The following CNTNAP4 variants were observed in gnomAD, a reference collection of about 807,000 sequenced individuals.
The protein encoded by CNTNAP4 is contactin associated protein family member 4, also known as contactin-associated protein-like 4.
A neutral mutation model predicts 148.4 loss-of-function variants in CNTNAP4; 98 were observed. That is an observed-to-expected ratio of 0.66 (90% CI 0.56 to 0.78). CNTNAP4 has a LOEUF of 0.78. CNTNAP4 is among the 30% of genes least tolerant of loss of function. The probability of loss-of-function intolerance (pLI) is 0.00; values close to 1 mark genes in which losing one functional copy is unlikely to be tolerated. For missense variants in CNTNAP4, 1,935 were observed against 1,565.6 expected (o/e 1.24, Z -3.98); for synonymous variants, 730 against 565.1 (o/e 1.29, Z -4.14).
intron 3 of CNTNAP4, among the ~76,000 whole-genome samples, chr16:76,405,112 A>T (rs1437583050): frequency 2.0e-5 from 3 of 152,204 alleles, no homozygotes; most frequent in Non-Finnish European, 4.4e-5. Context: ...TGAATAGAAA[A>T]TGACACAGAA....
chr16:76,541,834 T>C (rs2084471172), intron 21 of CNTNAP4, among the ~76,000 whole-genome samples: 1 of 152,218 alleles, frequency 6.6e-6, no homozygotes, highest in Non-Finnish European at 1.5e-5. Context: ...TGAATTGCAA[T>C]GTTCTTCCAT....
chr16:76,540,482 G>A, intron 20 of CNTNAP4, among the ~76,000 whole-genome samples: 1 of 151,540 alleles, frequency 6.6e-6, no homozygotes, highest in African/African-American at 2.4e-5. Flanking sequence ...GGGTAGTATA[G>A]AAATAATACT....
At chr16:76,532,089 A>G (rs2084008099) in intron 17 of CNTNAP4, among the ~76,000 whole-genome samples, 4 of 152,196 alleles carry the variant, frequency 2.6e-5, no homozygotes, top group Admixed American at 2.6e-4. Context: ...TAAATTTATT[A>G]CTAGAGCTTT....
intron 2 of CNTNAP4, among the ~76,000 whole-genome samples, chr16:76,342,165 A>T (rs1237795032): frequency 1.3e-5 from 2 of 152,310 alleles, no homozygotes; most frequent in South Asian, 2.1e-4. Context: ...ATCATCTGGG[A>T]ATTCCCCTAA....
chr16:76,500,948 C>G (rs957469398), intron 15 of CNTNAP4, among the ~76,000 whole-genome samples: 1 of 152,074 alleles, frequency 6.6e-6, no homozygotes, highest in Non-Finnish European at 1.5e-5. Flanking sequence ...TACATTAACA[C>G]CACGCCTTAA....
intron 4 of CNTNAP4, among the ~76,000 whole-genome samples, chr16:76,440,789 G>A (rs940169712): frequency 6.6e-6 from 1 of 152,096 alleles, no homozygotes; most frequent in Non-Finnish European, 1.5e-5. Context: ...AATATAACTG[G>A]ACCATAGAGC....
At chr16:76,380,620 G>T (rs2015873157) in intron 3 of CNTNAP4, among the ~76,000 whole-genome samples, 1 of 152,116 alleles carries the variant, frequency 6.6e-6, no homozygotes, top group Non-Finnish European at 1.5e-5. Context: ...GTGATCGGGG[G>T]AGTGGTTTTC....
intron 3 of CNTNAP4, among the ~76,000 whole-genome samples, chr16:76,393,635 A>G (rs1307196986): frequency 6.6e-6 from 1 of 152,016 alleles, no homozygotes; most frequent in Non-Finnish European, 1.5e-5. Context: ...AGGCATCAGC[A>G]AGGACTTCAT....
chr16:76,290,082 A>T (rs1234326422), intron 1 of CNTNAP4, among the ~76,000 whole-genome samples: 6 of 151,994 alleles, frequency 3.9e-5, no homozygotes, highest in Admixed American at 3.9e-4. Flanking sequence ...GGCTCTGTGG[A>T]CTCCAAGGTG....
Position 76,449,727 on chromosome 16 carries a change from G to A in CNTNAP4, c.940G>A (p.Gly314Arg). ...TTTTCTTTCTAAGATCAGCTTTGGA[G>A]GGATTCCAGCACCTGGAAAATCAGT... ...MNLDYEISFG[G>R]IPAPGKSVSF... The change falls in exon 7 of 24, where the codon GGG (glycine) becomes AGG (arginine). Residue 314 changes from glycine to arginine, a missense_variant. Gly to Arg is a moderately radical substitution (Grantham distance 125, BLOSUM62 -2). Coordinates refer to ENST00000611870, the MANE Select transcript of CNTNAP4 (RefSeq NM_033401.5). 6.3e-7 allele frequency: 1 copy of A among 1,588,326 alleles called. No individual in the cohort carries two copies. The highest frequency in any genetic ancestry group is 2.3e-5 in the East Asian group (1 of 44,228).
intron 8 of CNTNAP4, among the ~76,000 whole-genome samples, chr16:76,458,874 T>C (rs1164454038): frequency 1.3e-5 from 2 of 152,230 alleles, no homozygotes; most frequent in East Asian, 1.9e-4. Context: ...AATTCTACTT[T>C]TAGTTCTTTG....
chr16:76,306,371 C>G (rs1960481645), intron 1 of CNTNAP4, among the ~76,000 whole-genome samples: 1 of 152,142 alleles, frequency 6.6e-6, no homozygotes, highest in African/African-American at 2.4e-5. Context: ...ACAGTGGGCC[C>G]TTAACATCCA....
At chr16:76,533,076 G>A (rs912194496) in intron 17 of CNTNAP4, among the ~76,000 whole-genome samples, 4 of 151,938 alleles carry the variant, frequency 2.6e-5, no homozygotes, top group African/African-American at 4.8e-5. Context: ...GCCAAGATGT[G>A]GAATCAACCC....
chr16:76,303,729 A>G (rs906409725), intron 1 of CNTNAP4, among the ~76,000 whole-genome samples: 6 of 152,322 alleles, frequency 3.9e-5, no homozygotes, highest in African/African-American at 1.4e-4. Flanking sequence ...AGAAAATGAA[A>G]CAAACAGCTC....
Position 76,508,806 on chromosome 16 carries a change from G to T in CNTNAP4, c.2365+10112G>T, listed in dbSNP as rs2082915669. On this transcript the variant is annotated intron_variant, in intron 15 of 23. Transcript: ENST00000611870. ...CTCACTGTGTCGCCCAGGCTGGAGT[G>T]CAGTGGCACGATCTCGGCTCACTGC... is the stretch of plus-strand genomic sequence containing the variant. Among the ~76,000 whole-genome samples the T allele has an allele frequency of 8.4e-5, 7 of 83,248 alleles. 1 individual carries two copies. The South Asian group carries it at 3.8e-3, about 45-fold the overall frequency. 54.6% of individuals were successfully genotyped at this position (83,248 alleles called of 152,430 possible). A position where few individuals can be genotyped will look rare whatever the true frequency, so the allele number is the denominator to read the frequency against.
intron 13 of CNTNAP4, among the ~76,000 whole-genome samples, chr16:76,493,327 T>G (rs375595693): frequency 5.9e-5 from 9 of 152,290 alleles, no homozygotes; most frequent in Admixed American, 1.3e-4. Context: ...GATCTGTGAC[T>G]CAGCACACAG....
chr16:76,439,745 C>G (rs1186052071), intron 4 of CNTNAP4, among the ~76,000 whole-genome samples: 2 of 152,102 alleles, frequency 1.3e-5, no homozygotes, highest in African/African-American at 4.8e-5. Flanking sequence ...TTATATATAG[C>G]ACTTGATCTC....
At chr16:76,417,486 C>G (rs145949929) in intron 3 of CNTNAP4, among the ~76,000 whole-genome samples, 1 of 151,410 alleles carries the variant, frequency 6.6e-6, no homozygotes, top group African/African-American at 2.4e-5. Flanking sequence ...CCTAACTTCT[C>G]CCTTACGTAC....
chr16:76,337,212 G>T (rs777518504), intron 2 of CNTNAP4, among the ~76,000 whole-genome samples: 1 of 152,212 alleles, frequency 6.6e-6, no homozygotes, highest in Non-Finnish European at 1.5e-5. Flanking sequence ...GATGCTGAAA[G>T]ACTGAGAGTT....
Sources: allele counts gnomAD v4.1 joint callset (sites outside exome capture counted in the v4.1 genomes callset), GRCh38; gene constraint gnomAD v4.1.1; transcripts MANE v1.5; gene names NCBI Gene and HGNC (gene_info 2026-07-23, HGNC 2026-07-21).